Variants in GTF2H5 observed in about 807,000 individuals in gnomAD.
GTF2H5 encodes general transcription factor IIH subunit 5.
In GTF2H5, 5 loss-of-function variants were observed where a neutral mutation model predicts 7.1. The ratio of observed to expected loss-of-function variants is 0.71; its 90% CI spans 0.37 to 1.49. The LOEUF is 1.49. Ranked by LOEUF, GTF2H5 falls within the 40% of genes most tolerant of loss-of-function variation. GTF2H5 has a pLI of 0.03. For missense variants in GTF2H5, 80 were observed against 83.0 expected (o/e 0.96, Z 0.14); for synonymous variants, 30 against 31.7 (o/e 0.95, Z 0.18).
At chr6:158,190,623 A>T (rs9459639) in intron 2 of GTF2H5, 68,254 of 476,946 alleles carry the variant, frequency 0.14, 6,810 homozygotes, top group African/African-American at 0.37. Context: ...TCATCTAGGG[A>T]TAGAAGTAAA....
rs369681523 is a variant in GTF2H5, at chr6:158,171,704, G to A, written c.35+1166G>A. ...AGGTGGAGATGGAGACTTCGGAGAA[G>A]TTTTACTGTGATCATGAGCAATCTC... On this transcript the variant is annotated intron_variant, in intron 2 of 2. Transcript: ENST00000607778. Among the ~76,000 whole-genome samples the A allele has an allele frequency of 2.6e-5, 4 of 152,206 alleles. No individual in the cohort carries two copies. In the South Asian group the frequency reaches 8.3e-4, roughly 32 times the overall value.
At chr6:158,169,538 T>TATATAATATACAGTATATTGC (rs1785757079) in intron 1 of GTF2H5, among the ~76,000 whole-genome samples, 1 of 62,920 alleles carries the variant, frequency 1.6e-5, no homozygotes, top group African/African-American at 6.8e-5. Context: ...CAGTATATTA[T>TATATAATATACAGTATATTGC]ATATAATATA....
chr6:158,169,714 A>ATATAATATATTG (rs1554267146), intron 1 of GTF2H5, among the ~76,000 whole-genome samples: 2 of 48,622 alleles, frequency 4.1e-5, no homozygotes, highest in Non-Finnish European at 6.4e-5. Flanking sequence ...ATTGTATATT[A>ATATAATATATTG]TATATTATAT....
intron 2 of GTF2H5, among the ~76,000 whole-genome samples, chr6:158,173,395 C>G (rs1301329889): frequency 3.3e-5 from 5 of 152,192 alleles, no homozygotes. Context: ...ATGGCCAGTG[C>G]TAGTGGATTC....
intron 2 of GTF2H5, among the ~76,000 whole-genome samples, chr6:158,175,852 G>A (rs1013047229): frequency 3.3e-5 from 5 of 152,104 alleles, no homozygotes; most frequent in East Asian, 1.9e-4. Context: ...TGTTGATTGT[G>A]GCATATTTTA....
intron 2 of GTF2H5, among the ~76,000 whole-genome samples, chr6:158,173,101 A>G (rs1218706768): frequency 6.6e-6 from 1 of 152,242 alleles, no homozygotes; most frequent in African/African-American, 2.4e-5. Context: ...TGTGCATACA[A>G]AGAATCTTGT....
intron 2 of GTF2H5, among the ~76,000 whole-genome samples, chr6:158,181,488 A>G (rs956600304): frequency 2.6e-5 from 4 of 152,056 alleles, no homozygotes; most frequent in African/African-American, 9.7e-5. Flanking sequence ...GTCTCCTGTT[A>G]TTATTGTGTG....
At chr6:158,186,661 A>C (rs1265725750) in intron 2 of GTF2H5, among the ~76,000 whole-genome samples, 1 of 152,208 alleles carries the variant, frequency 6.6e-6, no homozygotes. Flanking sequence ...CTTGTGCCCA[A>C]GGTGTTCGGG....
intron 2 of GTF2H5, among the ~76,000 whole-genome samples, chr6:158,176,062 T>G (rs2128429622): frequency 6.6e-6 from 1 of 152,330 alleles, no homozygotes; most frequent in East Asian, 1.9e-4. Flanking sequence ...TCATCTCCAT[T>G]TATGGATGTA....
At chr6:158,172,412 A>C (rs1476261546) in intron 2 of GTF2H5, among the ~76,000 whole-genome samples, 1 of 151,608 alleles carries the variant, frequency 6.6e-6, no homozygotes, top group East Asian at 1.9e-4. Flanking sequence ...CTGCTGCCTC[A>C]GCTGCCCGAG....
intron 2 of GTF2H5, among the ~76,000 whole-genome samples, chr6:158,182,712 G>A (rs1169506535): frequency 1.3e-5 from 2 of 151,868 alleles, no homozygotes; most frequent in Non-Finnish European, 1.5e-5. Context: ...TCGTACTGTG[G>A]TTTTCAGCAC....
chr6:158,183,266 G>C (rs1458349282), intron 2 of GTF2H5, among the ~76,000 whole-genome samples: 2 of 152,144 alleles, frequency 1.3e-5, no homozygotes, highest in Non-Finnish European at 2.9e-5. Context: ...CATCGTAGAG[G>C]GGCACCTGCC....
chr6:158,171,754 C>T (rs190532568), intron 2 of GTF2H5, among the ~76,000 whole-genome samples: 3 of 152,164 alleles, frequency 2.0e-5, no homozygotes, highest in East Asian at 1.9e-4. Context: ...TGGTAGCTGA[C>T]GAAGGACATG....
chr6:158,169,460 T>TA (rs1258927550), intron 1 of GTF2H5, among the ~76,000 whole-genome samples: 1 of 72,560 alleles, frequency 1.4e-5, no homozygotes, highest in Non-Finnish European at 2.3e-5. Context: ...ATATTATATA[T>TA]ATTATATTGT....
chr6:158,175,377 A>C (rs73794538), intron 2 of GTF2H5, among the ~76,000 whole-genome samples: 2,291 of 152,282 alleles, frequency 0.015, 66 homozygotes, highest in African/African-American at 0.052. Context: ...TGCTGATGGA[A>C]GTGTAATCCC....
chr6:158,172,520 G>A (rs543258785), intron 2 of GTF2H5, among the ~76,000 whole-genome samples: 3 of 152,036 alleles, frequency 2.0e-5, no homozygotes, highest in Admixed American at 6.6e-5. Flanking sequence ...GGCTGGTCTC[G>A]ATCTCTTGAC....
chr6:158,170,034 A>G (rs1477972899), intron 1 of GTF2H5, among the ~76,000 whole-genome samples: 1 of 151,766 alleles, frequency 6.6e-6, no homozygotes, highest in East Asian at 1.9e-4. Context: ...AAAATAAAAT[A>G]TAAACTAAAA....
At chr6:158,175,375 G>T (rs142045455) in intron 2 of GTF2H5, among the ~76,000 whole-genome samples, 1 of 152,194 alleles carries the variant, frequency 6.6e-6, no homozygotes, top group African/African-American at 2.4e-5. Context: ...GCTGCTGATG[G>T]AAGTGTAATC....
intron 2 of GTF2H5, among the ~76,000 whole-genome samples, chr6:158,191,645 G>T (rs929150455): frequency 6.6e-6 from 1 of 152,036 alleles, no homozygotes; most frequent in Non-Finnish European, 1.5e-5. Context: ...ACCACACCCG[G>T]CTAATTTTTT....
Sources: allele counts gnomAD v4.1 joint callset (sites outside exome capture counted in the v4.1 genomes callset), GRCh38; gene constraint gnomAD v4.1.1; transcripts MANE v1.5; gene names NCBI Gene and HGNC (gene_info 2026-07-23, HGNC 2026-07-21).